Variants in PHACTR4 observed in about 807,000 individuals in gnomAD.
PHACTR4 encodes the protein protein phosphatase 1, regulatory subunit 124.
PHACTR4 carries 51 observed loss-of-function variants against 72.7 expected under a neutral mutation model. The observed-to-expected ratio is 0.70, with a 90% CI of 0.56 to 0.89. PHACTR4 has a LOEUF of 0.89. PHACTR4 is among the 40% of genes least tolerant of loss of function. The pLI is 0.00. For missense variants in PHACTR4, 731 were observed against 861.8 expected, an observed-to-expected ratio of 0.85 and a Z score of 1.90; for synonymous variants, 255 against 302.5, an observed-to-expected ratio of 0.84 and a Z score of 1.63.
At chr1:28,412,050 A>G (rs994558379) in intron 2 of PHACTR4, among the ~76,000 whole-genome samples, 5 of 152,206 alleles carry the variant, frequency 3.3e-5, no homozygotes, top group Non-Finnish European at 7.3e-5. Flanking sequence ...TACACATTTC[A>G]TTATATAATA....
intron 1 of PHACTR4, among the ~76,000 whole-genome samples, chr1:28,385,621 T>A (rs1652504690): frequency 6.6e-6 from 1 of 150,546 alleles, no homozygotes; most frequent in Non-Finnish European, 1.5e-5. Context: ...TGAATTTTTT[T>A]TTTTTTTTTT....
At chr1:28,377,053 C>T (rs1279194652) in intron 1 of PHACTR4, among the ~76,000 whole-genome samples, 1 of 152,002 alleles carries the variant, frequency 6.6e-6, no homozygotes, top group Admixed American at 6.6e-5. Context: ...CCTCAGCCTC[C>T]CAAGTAGCTG....
intron 2 of PHACTR4, among the ~76,000 whole-genome samples, chr1:28,437,750 G>T (rs946839128): frequency 2.0e-5 from 3 of 152,098 alleles, no homozygotes; most frequent in Non-Finnish European, 4.4e-5. Flanking sequence ...ATCTCCCAAA[G>T]AACCCATTTC....
intron 2 of PHACTR4, among the ~76,000 whole-genome samples, chr1:28,413,910 T>C (rs11587757): frequency 0.28 from 42,050 of 152,010 alleles, 6,990 homozygotes; most frequent in East Asian, 0.43. Context: ...TGATGAACAT[T>C]CTCATATCAG....
chr1:28,370,821 G>A (rs943493977), intron 1 of PHACTR4, among the ~76,000 whole-genome samples: 1 of 152,082 alleles, frequency 6.6e-6, no homozygotes, highest in African/African-American at 2.4e-5. Context: ...CGGGCGTGGT[G>A]GCGCGCGCCT....
At chr1:28,476,063 C>T in intron 7 of PHACTR4, 44 bp from the exon 8 acceptor site, 4 of 1,538,156 alleles carry the variant, frequency 2.6e-6, no homozygotes, top group African/African-American at 1.4e-5. Flanking sequence ...GTCAGTTATC[C>T]TCTTCATTTC....
rs183732721 is a variant in PHACTR4, at chr1:28,403,931, T to C, written c.-38-3479T>C. 3.3e-3 allele frequency among the ~76,000 whole-genome samples: 509 copies of C among 152,368 alleles called. 3 individuals are homozygous for C. Among genetic ancestry groups the C allele is most frequent in the African/African-American group, 0.011 (467 of 41,602 alleles). On this transcript the variant is annotated intron_variant, in intron 1 of 13. Transcript: ENST00000373839. ...ACTTAATTTCTTTTTATGCTGAATG[T>C]CCCGTTGTATTAATTTTGTTTATCC... is the stretch of plus-strand genomic sequence containing the variant.
At chr1:28,389,078 G>A (rs930103204) in intron 1 of PHACTR4, among the ~76,000 whole-genome samples, 4 of 152,108 alleles carry the variant, frequency 2.6e-5, no homozygotes, top group African/African-American at 4.8e-5. Flanking sequence ...AAGAGACAAC[G>A]TATAGAATGG....
At chr1:28,390,967 C>T (rs1484587223) in intron 1 of PHACTR4, among the ~76,000 whole-genome samples, 1 of 151,148 alleles carries the variant, frequency 6.6e-6, no homozygotes, top group African/African-American at 2.4e-5. Flanking sequence ...TGTTGGTGTG[C>T]ACCTGTAGTC....
At chr1:28,477,059 C>T (rs1318908127) in intron 8 of PHACTR4, among the ~76,000 whole-genome samples, 15 of 150,502 alleles carry the variant, frequency 1.0e-4, no homozygotes, top group Non-Finnish European at 1.8e-4. Flanking sequence ...TGTCAGCCAC[C>T]GTGCCTGGCC....
chr1:28,471,209 C>T (rs1245354645), intron 6 of PHACTR4, among the ~76,000 whole-genome samples: 1 of 151,670 alleles, frequency 6.6e-6, no homozygotes, highest in African/African-American at 2.4e-5. Context: ...ATTAGCCGGG[C>T]GTGGTGGCAC....
chr1:28,496,118 G>A (rs186086984), intron 13 of PHACTR4, among the ~76,000 whole-genome samples: 2,186 of 144,886 alleles, frequency 0.015, 27 homozygotes, highest in Non-Finnish European at 0.025. Context: ...GTGCAGTGGC[G>A]CGATCTCGGC....
At chr1:28,410,987 C>T (rs1408468603) in intron 2 of PHACTR4, among the ~76,000 whole-genome samples, 3 of 151,336 alleles carry the variant, frequency 2.0e-5, no homozygotes, top group South Asian at 2.1e-4. Context: ...GAATTGCAGG[C>T]GTGAGCCACC....
chr1:28,490,848 A>C, intron 10 of PHACTR4, 103 bp from the exon 11 acceptor site: 3 of 1,269,308 alleles, frequency 2.4e-6, no homozygotes, highest in Non-Finnish European at 3.4e-6. Flanking sequence ...CGTCTCAAAA[A>C]AAAAAAACAA....
intron 9 of PHACTR4, among the ~76,000 whole-genome samples, chr1:28,482,089 G>A (rs1054359251): frequency 2.0e-5 from 3 of 151,680 alleles, no homozygotes; most frequent in African/African-American, 7.3e-5. Context: ...GTAAAGATGG[G>A]GTTTCACCAT....
intron 1 of PHACTR4, among the ~76,000 whole-genome samples, chr1:28,371,546 C>G (rs1180011387): frequency 6.6e-6 from 1 of 152,126 alleles, no homozygotes; most frequent in Non-Finnish European, 1.5e-5. Context: ...CCACCCGCCT[C>G]GGTCTCCCAA....
chr1:28,472,288 G>A (rs150483529), intron 6 of PHACTR4, among the ~76,000 whole-genome samples: 9 of 152,124 alleles, frequency 5.9e-5, no homozygotes, highest in African/African-American at 9.6e-5. Context: ...ATGCCAGTTT[G>A]TAGTATGATC....
At chr1:28,459,758 G>GTA (rs2124469298) in intron 3 of PHACTR4, among the ~76,000 whole-genome samples, 1 of 152,168 alleles carries the variant, frequency 6.6e-6, no homozygotes, top group East Asian at 1.9e-4. Flanking sequence ...ACCTAATATT[G>GTA]TATACCCTCA....
intron 2 of PHACTR4, among the ~76,000 whole-genome samples, chr1:28,425,502 T>TG (rs1352412292): frequency 2.6e-5 from 4 of 152,234 alleles, no homozygotes; most frequent in Non-Finnish European, 5.9e-5. Flanking sequence ...CTACAGGAAT[T>TG]TTTATTGAGT....
Sources: gnomAD v4.1 joint callset for allele counts (sites outside exome capture counted in the v4.1 genomes callset) on GRCh38, gnomAD v4.1.1 for gene constraint, MANE v1.5 for transcripts, NCBI Gene and HGNC (gene_info 2026-07-23, HGNC 2026-07-21) for gene names.